MKLN1: variants seen among roughly 807,000 people sequenced by gnomAD.
MKLN1 encodes the protein muskelin 1.
In MKLN1, 18 loss-of-function variants were observed where a neutral mutation model predicts 99.0. The ratio of observed to expected loss-of-function variants is 0.18; its 90% CI spans 0.13 to 0.27. MKLN1 has a LOEUF of 0.27. MKLN1 is among the 10% of genes least tolerant of loss of function. MKLN1 has a pLI of 1.00. For synonymous variants in MKLN1, 288 were observed against 293.2 expected, an observed-to-expected ratio of 0.98 and a Z score of 0.18; for missense variants, 621 against 875.9, an observed-to-expected ratio of 0.71 and a Z score of 3.67.
At position 131,470,692 on chromosome 7, in the gene MKLN1, T is replaced by G. The variant is rs144444365; in HGVS notation, c.1929-150T>G. 3.6e-5 allele frequency: 22 copies of G among 616,706 alleles called. No homozygotes were observed. In the African/African-American group the frequency reaches 3.6e-4, roughly 10 times the overall value. The allele number at this position is 616,706 out of a possible 1,614,324, so 38.2% of individuals were successfully genotyped here. A position where few individuals can be genotyped will look rare whatever the true frequency, so the allele number is the denominator to read the frequency against. ...AACTACACTATCTACCTGGCAGTAT[T>G]GTTAATTCTGGATTCCTAAACTGAC... On this transcript the variant is annotated intron_variant, in intron 15 of 17. Coordinates refer to ENST00000352689, the MANE Select transcript of MKLN1 (RefSeq NM_013255.5).
At chr7:131,154,829 T>C (rs1795940843) in intron 2 of MKLN1, among the ~76,000 whole-genome samples, 1 of 152,168 alleles carries the variant, frequency 6.6e-6, no homozygotes, top group South Asian at 2.1e-4. Context: ...CTTCATACAC[T>C]TTTTTGTAAG....
At chr7:131,390,129 A>G (rs1046719334) in intron 4 of MKLN1, among the ~76,000 whole-genome samples, 6 of 152,178 alleles carry the variant, frequency 3.9e-5, no homozygotes, top group African/African-American at 1.4e-4. Context: ...TCTGTAGGGC[A>G]AAAGAATATT....
intron 1 of MKLN1, among the ~76,000 whole-genome samples, chr7:131,115,893 G>C (rs11767347): frequency 2.0e-5 from 3 of 151,924 alleles, no homozygotes; most frequent in Non-Finnish European, 2.9e-5. Flanking sequence ...AACCATCCTA[G>C]ATATATTTTT....
In MKLN1 at chr7:131,470,850, A is replaced by C; in HGVS notation, c.1937A>C (p.Glu646Ala). The C allele has an allele frequency of 1.2e-6, 2 of 1,605,304 alleles. No homozygotes were observed. Among genetic ancestry groups the C allele is most frequent in the Non-Finnish European group, 1.7e-6 (2 of 1,172,974 alleles). ...KYLIRKHRFE[E>A]KAQVDPLSAL... ...TTGTGTACATTTTCTAGGTTTGAAG[A>C]AAAGGCCCAAGTGGATCCCCTTAGT... The change falls in exon 16 of 18, where the codon GAA becomes GCA. Residue 646 changes from glutamate (E) to alanine (A), a missense_variant. Around this residue, in one of 8 missense-constraint regions of MKLN1, gnomAD observed 126 missense variants for 157.4 expected, o/e 0.80. Coordinates refer to ENST00000352689, the MANE Select transcript of MKLN1 (RefSeq NM_013255.5).
chr7:131,277,290 T>C (rs1394588400), intron 3 of MKLN1, among the ~76,000 whole-genome samples: 1 of 151,760 alleles, frequency 6.6e-6, no homozygotes, highest in Non-Finnish European at 1.5e-5. Flanking sequence ...ATTGTGCATT[T>C]TTTTTTTTTT....
At chr7:131,399,174 G>A (rs753514609) in intron 5 of MKLN1, 67 bp from the exon 6 acceptor site, 48 of 1,355,164 alleles carry the variant, frequency 3.5e-5, no homozygotes, top group Non-Finnish European at 4.9e-5. Context: ...TTTTACTGTT[G>A]TTATTGTTTC....
At chr7:131,283,053 A>G (rs1290715784) in intron 3 of MKLN1, among the ~76,000 whole-genome samples, 1 of 152,192 alleles carries the variant, frequency 6.6e-6, no homozygotes, top group Admixed American at 6.5e-5. Flanking sequence ...TCCTCCGTTC[A>G]TGAACAGCAT....
intron 3 of MKLN1, among the ~76,000 whole-genome samples, chr7:131,209,782 G>A (rs1274433407): frequency 6.6e-6 from 1 of 152,148 alleles, no homozygotes; most frequent in East Asian, 1.9e-4. Flanking sequence ...TTGCAGCTAG[G>A]GGTGACTCAT....
chr7:131,111,769 C>CATAAATAA (rs56257390), intron 1 of MKLN1, among the ~76,000 whole-genome samples: 2 of 151,270 alleles, frequency 1.3e-5, no homozygotes, highest in Admixed American at 6.6e-5. Context: ...AAATGAAACG[C>CATAAATAA]ATAAATAAAT....
chr7:131,150,276 A>C (rs1795870395), intron 2 of MKLN1, among the ~76,000 whole-genome samples: 2 of 152,116 alleles, frequency 1.3e-5, no homozygotes, highest in African/African-American at 4.8e-5. Context: ...ATCTCTCTCT[A>C]AAATAATGAT....
chr7:131,299,339 C>A (rs1014826030), intron 3 of MKLN1, among the ~76,000 whole-genome samples: 1 of 152,100 alleles, frequency 6.6e-6, no homozygotes, highest in African/African-American at 2.4e-5. Context: ...AACAGAGAAC[C>A]ATTTTTCTGG....
chr7:131,398,263 T>C lies in MKLN1; in HGVS notation c.510+887T>C, dbSNP rs1794418980. On this transcript the variant is annotated intron_variant, in intron 5 of 17. Coordinates refer to ENST00000352689, the MANE Select transcript of MKLN1 (RefSeq NM_013255.5). ...TTGAGATTTTTTTAAAAAAATCCTTTTTATAAGATTGTATTTTTGGCATCT... is the reference window on the plus strand; with the variant it reads ...TTGAGATTTTTTTAAAAAAATCCTTCTTATAAGATTGTATTTTTGGCATCT... Among the ~76,000 whole-genome samples, 4 of 152,192 alleles carry C rather than the reference T, an allele frequency of 2.6e-5. No homozygotes were observed. In the South Asian group the frequency reaches 8.3e-4, roughly 32 times the overall value.
At chr7:131,449,714 T>C (rs1178315733) in intron 12 of MKLN1, among the ~76,000 whole-genome samples, 1 of 152,106 alleles carries the variant, frequency 6.6e-6, no homozygotes, top group African/African-American at 2.4e-5. Context: ...CCATTCTTTT[T>C]CCCATGTCCC....
At chr7:131,395,926 TTA>T (rs1022261623) in intron 4 of MKLN1, among the ~76,000 whole-genome samples, 3 of 151,786 alleles carry the variant, frequency 2.0e-5, no homozygotes, top group Admixed American at 6.5e-5. Flanking sequence ...TATTTTAAGT[TTA>T]TTCTGAAGTA....
intron 3 of MKLN1, 36 bp from the exon 4 acceptor site, chr7:131,388,848 G>T (rs1307670645): frequency 2.9e-6 from 4 of 1,394,172 alleles, no homozygotes; most frequent in Non-Finnish European, 3.0e-6. Context: ...ACTAAATTAT[G>T]AAGTCAGATT....
At chr7:131,224,900 C>T (rs1013341453) in intron 3 of MKLN1, among the ~76,000 whole-genome samples, 7 of 149,886 alleles carry the variant, frequency 4.7e-5, no homozygotes, top group East Asian at 2.0e-4. Flanking sequence ...GGTGAAACCC[C>T]GTCTCTACTA....
At chr7:131,206,113 C>T (rs1470483640) in intron 3 of MKLN1, among the ~76,000 whole-genome samples, 1 of 151,938 alleles carries the variant, frequency 6.6e-6, no homozygotes, top group African/African-American at 2.4e-5. Flanking sequence ...AGGCTGGTCT[C>T]GAACTCCTGA....
chr7:131,428,012 C>G (rs530981203), intron 8 of MKLN1, among the ~76,000 whole-genome samples: 3 of 151,884 alleles, frequency 2.0e-5, no homozygotes, highest in African/African-American at 2.4e-5. Flanking sequence ...CCCCACCCCC[C>G]CAAAAAAAGT....
At chr7:131,216,719 T>TTGTGTC (rs1563255434) in intron 3 of MKLN1, among the ~76,000 whole-genome samples, 1 of 152,204 alleles carries the variant, frequency 6.6e-6, no homozygotes, top group African/African-American at 2.4e-5. Context: ...AACACTATAC[T>TTGTGTC]TGTGTCTGTG....
Sources: allele counts gnomAD v4.1 joint callset (sites outside exome capture counted in the v4.1 genomes callset), GRCh38; gene constraint gnomAD v4.1.1; regional missense constraint gnomAD v4.1.1; transcripts MANE v1.5; gene names NCBI Gene and HGNC (gene_info 2026-07-23, HGNC 2026-07-21).